P2RX7: variants seen among roughly 807,000 people sequenced by gnomAD.
The protein encoded by P2RX7 is purinergic receptor P2X 7.
P2RX7 carries 62 observed loss-of-function variants against 71.6 expected under a neutral mutation model. That is an observed-to-expected ratio of 0.87 (90% CI 0.71 to 1.07). P2RX7 has a LOEUF of 1.07. Ranked by LOEUF, P2RX7 falls within the 50% of genes least tolerant of loss-of-function variation. P2RX7 has a pLI of 0.00. For missense variants in P2RX7, 686 were observed against 748.5 expected, an observed-to-expected ratio of 0.92 and a Z score of 0.97; for synonymous variants, 299 against 283.3, an observed-to-expected ratio of 1.06 and a Z score of -0.56.
chr12:121,133,893 A>G (rs189684568), intron 1 of P2RX7, among the ~76,000 whole-genome samples: 1 of 149,044 alleles, frequency 6.7e-6, no homozygotes, highest in African/African-American at 2.4e-5. Flanking sequence ...ACTTCATTCA[A>G]TTTTTTTTTT....
At chr12:121,182,212 T>C (rs1437097466) in intron 12 of P2RX7, among the ~76,000 whole-genome samples, 1 of 152,242 alleles carries the variant, frequency 6.6e-6, no homozygotes. Flanking sequence ...TGTGTTGTAC[T>C]ATTCTTTGTA....
chr12:121,170,497 G>A (rs796216410), intron 8 of P2RX7, among the ~76,000 whole-genome samples: 22 of 152,292 alleles, frequency 1.4e-4, no homozygotes, highest in African/African-American at 4.6e-4. Context: ...GTTGAGGGCC[G>A]GGAGCAGTGG....
At chr12:121,165,174 G>A (rs1186959872) in intron 5 of P2RX7, among the ~76,000 whole-genome samples, 183 bp from the exon 6 acceptor site, 1 of 152,180 alleles carries the variant, frequency 6.6e-6, no homozygotes, top group Non-Finnish European at 1.5e-5. Flanking sequence ...ATTCTTCTTG[G>A]AGGAGCTGGA....
At position 121,184,581 on chromosome 12, in the gene P2RX7, C is replaced by G. The variant is rs748835610; in HGVS notation, c.1567C>G (p.Leu523Val). ...GAAGCTGGTCCTGTCCAGACACGTC[C>G]TGCAGTTCCTCCTGCTCTACCAGGA... ...FRKLVLSRHV[L>V]QFLLLYQEPL... Residue 523 changes from leucine to valine, a missense_variant, in exon 13 of 13, where the codon CTG becomes GTG. Transcript: ENST00000328963. 3 of 1,613,992 alleles carry G rather than the reference C, an allele frequency of 1.9e-6. No homozygotes were observed. The African/African-American group carries it at 4.0e-5, about 22-fold the overall frequency.
chr12:121,160,774 T>A, intron 3 of P2RX7, 128 bp from the exon 4 acceptor site: 1 of 810,410 alleles, frequency 1.2e-6, no homozygotes, highest in South Asian at 1.4e-5. Context: ...GGTTTCCACT[T>A]TTTTGGCGAT....
rs28360447 is a variant in P2RX7 at position 121,162,435 on chromosome 12, G to A, written c.448G>A (p.Gly150Arg). 0.016 allele frequency: 25,906 copies of A among 1,613,846 alleles called. 274 individuals carry two copies. Among genetic ancestry groups the A allele is most frequent in the Non-Finnish European group, 0.019 (22,716 of 1,179,920 alleles). The change falls in exon 5 of 13, where the codon GGA (glycine) becomes AGA (arginine). Residue 150 changes from glycine (G) to arginine (R), a missense_variant. Transcript: ENST00000328963. ...TTTGACCCCTATAGGAATTCAGACCGGAAGGTGTGTAGTGTATGAAGGGAA... is the reference window on the plus strand; with the variant it reads ...TTTGACCCCTATAGGAATTCAGACCAGAAGGTGTGTAGTGTATGAAGGGAA... ...MDPQSKGIQTGRCVVYEGNQK... is the reference protein window; with the variant it reads ...MDPQSKGIQTRRCVVYEGNQK...
chr12:121,150,754 C>A (rs1010909248), intron 1 of P2RX7, among the ~76,000 whole-genome samples: 3 of 152,084 alleles, frequency 2.0e-5, no homozygotes, highest in African/African-American at 7.2e-5. Flanking sequence ...ACTAAAAATA[C>A]AAAAATTAGC....
intron 1 of P2RX7, among the ~76,000 whole-genome samples, chr12:121,133,975 C>T (rs895817881): frequency 3.9e-5 from 6 of 152,048 alleles, no homozygotes; most frequent in Non-Finnish European, 5.9e-5. Flanking sequence ...CTGCCTGCCT[C>T]GGCCTCCCAA....
intron 9 of P2RX7, among the ~76,000 whole-genome samples, chr12:121,176,840 G>T (rs1317325541): frequency 1.3e-5 from 2 of 151,630 alleles, no homozygotes; most frequent in East Asian, 1.9e-4. Flanking sequence ...TGGAGGAGAA[G>T]CTTGTCTGAA....
chr12:121,142,668 C>T (rs1875188147), intron 1 of P2RX7, among the ~76,000 whole-genome samples: 3 of 152,262 alleles, frequency 2.0e-5, no homozygotes, highest in South Asian at 4.1e-4. Flanking sequence ...GACTTCTCTG[C>T]CCTGTTTTCA....
In P2RX7 at chr12:121,165,420, C is replaced by G. The variant is rs202146674; in HGVS notation, c.597C>G (p.Pro199=). 8.1e-6 allele frequency: 13 copies of G among 1,613,734 alleles called. No individual in the cohort carries two copies. The highest frequency in any genetic ancestry group is 1.1e-5 in the Non-Finnish European group (13 of 1,179,824). The change falls in exon 6 of 13, where the codon CCC becomes CCG. Residue 199 remains proline, a synonymous_variant. Coordinates refer to ENST00000328963, the MANE Select transcript of P2RX7 (RefSeq NM_002562.6). The part of the protein sequence containing the change: ...TVLIKNNIDF[P]GHNYTTRNIL... ...TCATCAAGAACAATATCGACTTCCCCGGCCACAACTACACCACGTAAGTGC... is the reference window on the plus strand; with the variant it reads ...TCATCAAGAACAATATCGACTTCCCGGGCCACAACTACACCACGTAAGTGC...
rs757589091 is a variant in P2RX7 at position 121,161,013 on chromosome 12, T to C, written c.436+39T>C. 1.0e-5 allele frequency: 15 copies of C among 1,491,556 alleles called. No individual in the cohort carries two copies. The African/African-American group carries it at 1.5e-4, about 15-fold the overall frequency. 92.4% of individuals were successfully genotyped at this position (1,491,556 alleles called of 1,614,324 possible). A position where few individuals can be genotyped will look rare whatever the true frequency, so the allele number is the denominator to read the frequency against. On this transcript the variant is annotated intron_variant, in intron 4 of 12. Transcript: ENST00000328963. The stretch of plus-strand genomic sequence containing the variant: ...CTTTTCCCGAGACCCTAGGGGTGGA[T>C]GGTCTGGCATCTTGGTGACATTTGT...
chr12:121,177,207 G>C lies in P2RX7; in HGVS notation c.1033G>C (p.Gly345Arg), dbSNP rs753660631. Reference sequence around the variant, plus strand: ...CATCGGCTCAACCCTCTCCTACTTCGGTCTGGTAAGAGATTCTCTTTTCCA... The same window carrying C: ...CATCGGCTCAACCCTCTCCTACTTCCGTCTGGTAAGAGATTCTCTTTTCCA... Reference protein sequence around the residue: ...VYIGSTLSYFGLAAVFIDFLI... With the variant: ...VYIGSTLSYFRLAAVFIDFLI... Residue 345 changes from glycine to arginine, a missense_variant, in exon 10 of 13, where the codon GGT (glycine) becomes CGT (arginine). Physicochemically the swap from Gly to Arg is moderately radical, Grantham distance 125 (BLOSUM62 -2). Transcript: ENST00000328963. 6.2e-7 allele frequency: 1 copy of C among 1,614,068 alleles called. No homozygotes were observed. The highest frequency in any genetic ancestry group is 1.1e-5 in the South Asian group (1 of 91,072).
At chr12:121,151,600 TA>T (rs63408561) in intron 1 of P2RX7, among the ~76,000 whole-genome samples, 9,433 of 152,236 alleles carry the variant, frequency 0.062, 531 homozygotes, top group African/African-American at 0.15. Flanking sequence ...TCTACATATA[TA>T]AAAAATATAA....
chr12:121,162,424 G>A lies in P2RX7; in HGVS notation c.437G>A (p.Gly146Glu), dbSNP rs766558447. The A allele has an allele frequency of 6.2e-7, 1 of 1,613,822 alleles. No homozygotes were observed. Among genetic ancestry groups the A allele is most frequent in the South Asian group, 1.1e-5 (1 of 91,066 alleles). The change falls in exon 5 of 13, where the codon GGA becomes GAA. Residue 146 changes from glycine to glutamate, a missense_variant and splice_region_variant. Gly to Glu is a moderately conservative substitution (Grantham distance 98, BLOSUM62 -2). Transcript: ENST00000328963. ...KKGWMDPQSKGIQTGRCVVYE... is the reference protein window; with the variant it reads ...KKGWMDPQSKEIQTGRCVVYE... The stretch of plus-strand genomic sequence containing the variant: ...TTCTACGATGCTTTGACCCCTATAG[G>A]AATTCAGACCGGAAGGTGTGTAGTG...
At chr12:121,168,674 C>T (rs146508388) in intron 8 of P2RX7, among the ~76,000 whole-genome samples, 3 of 152,292 alleles carry the variant, frequency 2.0e-5, no homozygotes, top group African/African-American at 7.2e-5. Flanking sequence ...GCCCAAGACC[C>T]ACAGCTGATA....
At chr12:121,151,693 A>G (rs1302218670) in intron 1 of P2RX7, among the ~76,000 whole-genome samples, 3 of 152,166 alleles carry the variant, frequency 2.0e-5, no homozygotes, top group African/African-American at 7.2e-5. Flanking sequence ...GGACATTCAT[A>G]GTACTGTGCA....
chr12:121,173,656 G>C (rs1339190142), intron 8 of P2RX7, among the ~76,000 whole-genome samples: 2 of 152,212 alleles, frequency 1.3e-5, no homozygotes, highest in Non-Finnish European at 2.9e-5. Flanking sequence ...TTACTCAGTG[G>C]AAGGGCAAGG....
chr12:121,135,868 G>A (rs971333259), intron 1 of P2RX7, among the ~76,000 whole-genome samples: 21 of 150,330 alleles, frequency 1.4e-4, no homozygotes, highest in African/African-American at 4.9e-4. Context: ...GCCGGGCATG[G>A]TGGTGGGTGC....
Sources: gnomAD v4.1 joint callset for allele counts (sites outside exome capture counted in the v4.1 genomes callset) on GRCh38, gnomAD v4.1.1 for gene constraint, MANE v1.5 for transcripts, NCBI Gene and HGNC (gene_info 2026-07-23, HGNC 2026-07-21) for gene names.